MAP6: variants seen among roughly 807,000 people sequenced by gnomAD.
MAP6 encodes microtubule associated protein 6.
MAP6 carries 26 observed loss-of-function variants against 42.4 expected under a neutral mutation model. The ratio of observed to expected loss-of-function variants is 0.61; its 90% CI spans 0.45 to 0.85. MAP6 has a LOEUF of 0.85. Ranked by LOEUF, MAP6 falls within the 40% of genes least tolerant of loss-of-function variation. The probability of loss-of-function intolerance (pLI) is 0.00; values close to 1 mark genes in which losing one functional copy is unlikely to be tolerated. For synonymous variants in MAP6, 418 were observed against 443.8 expected (o/e 0.94, Z 0.73); for missense variants, 966 against 1,099.0 (o/e 0.88, Z 1.71).
At chr11:75,655,943 A>T (rs1014734635) in intron 1 of MAP6, among the ~76,000 whole-genome samples, 1 of 152,252 alleles carries the variant, frequency 6.6e-6, no homozygotes. Context: ...TGTTTACCTT[A>T]AAAGGTCATT....
intron 1 of MAP6, among the ~76,000 whole-genome samples, chr11:75,624,409 A>G (rs761621671): frequency 3.3e-5 from 5 of 151,990 alleles, no homozygotes; most frequent in Non-Finnish European, 7.4e-5. Flanking sequence ...CGGCACTTAC[A>G]TGCACTCACT....
chr11:75,587,025 T>C lies in MAP6; in HGVS notation c.*34A>G, dbSNP rs1215078120. 1 of 1,528,482 alleles carries C rather than the reference T, an allele frequency of 6.5e-7. No individual in the cohort carries two copies. The highest frequency in any genetic ancestry group is 1.3e-5 in the South Asian group (1 of 75,800). The allele number at this position is 1,528,482 out of a possible 1,614,324, so 94.7% of individuals were successfully genotyped here. A position where few individuals can be genotyped will look rare whatever the true frequency, so the allele number is the denominator to read the frequency against. Reference sequence around the variant, plus strand: ...CCCTGGGAGGGGAGCACTCTCACTGTCAGCTCCTTCATTGGTGTGTCAAGG... The same window carrying C: ...CCCTGGGAGGGGAGCACTCTCACTGCCAGCTCCTTCATTGGTGTGTCAAGG... On this transcript the variant is annotated 3_prime_UTR_variant, in exon 4 of 4. Transcript: ENST00000304771.
At chr11:75,641,994 C>T (rs951827036) in intron 1 of MAP6, among the ~76,000 whole-genome samples, 4 of 152,158 alleles carry the variant, frequency 2.6e-5, no homozygotes, top group Non-Finnish European at 5.9e-5. Flanking sequence ...TTATTAAGCA[C>T]AACCATTATA....
At chr11:75,647,878 G>A (rs1231899156) in intron 1 of MAP6, among the ~76,000 whole-genome samples, 1 of 152,146 alleles carries the variant, frequency 6.6e-6, no homozygotes, top group East Asian at 1.9e-4. Flanking sequence ...AACCAAAAGA[G>A]ATCTGTCCTG....
intron 1 of MAP6, chr11:75,642,826 G>T: frequency 8.8e-6 from 4 of 455,810 alleles, no homozygotes; most frequent in South Asian, 3.3e-5. Flanking sequence ...GCAGACCTAG[G>T]CATGGATTCT....
intron 1 of MAP6, among the ~76,000 whole-genome samples, chr11:75,612,094 C>G (rs960992985): frequency 6.6e-6 from 1 of 152,260 alleles, no homozygotes; most frequent in Admixed American, 6.5e-5. Context: ...GGCACCTAAG[C>G]TCCTCCAGCC....
rs1942392722 is a variant in MAP6 at position 75,587,923 on chromosome 11, G to T, written c.1578C>A (p.Val526=). The T allele has an allele frequency of 6.2e-7, 1 of 1,614,036 alleles. No homozygotes were observed. The highest frequency in any genetic ancestry group is 1.1e-5 in the South Asian group (1 of 91,074). Residue 526 remains valine, a synonymous_variant, in exon 4 of 4, where the codon GTC becomes GTA. Transcript: ENST00000304771. ...CTGGGACCGAGGGACCTTGGTCCTTGACTGGTGCTGAGATAACAGGGCTTT... is the reference window on the plus strand; with the variant it reads ...CTGGGACCGAGGGACCTTGGTCCTTTACTGGTGCTGAGATAACAGGGCTTT... ...KNESPVISAP[V]KDQGPSVPVP... is the part of the protein sequence containing the mutation.
intron 1 of MAP6, chr11:75,642,734 C>A: frequency 3.6e-6 from 1 of 276,776 alleles, no homozygotes; most frequent in Non-Finnish European, 7.8e-6. Context: ...CCAGCCACAA[C>A]AGAAAGTATA....
Position 75,667,533 on chromosome 11 carries a change from G to T in MAP6, c.837C>A (p.Arg279=). 6.7e-7 allele frequency: 1 copy of T among 1,494,886 alleles called. No homozygotes were observed. The highest frequency in any genetic ancestry group is 8.8e-7 in the Non-Finnish European group (1 of 1,130,682). The allele number at this position is 1,494,886 out of a possible 1,614,324, so 92.6% of individuals were successfully genotyped here. ...QATGPEAGRG[R]AAADALNRQI... The stretch of plus-strand genomic sequence containing the variant: ...GCCGGTTGAGGGCGTCCGCCGCGGC[G>T]CGCCCCCTGCCAGCCTCGGGGCCGG... The change falls in exon 1 of 4, where the codon CGC becomes CGA. Residue 279 remains arginine, a synonymous_variant. Coordinates refer to ENST00000304771, the MANE Select transcript of MAP6 (RefSeq NM_033063.2). This position sits in a 1 kb window ranked among gnomAD's most constrained non-coding sequence, Gnocchi z 5.6.
intron 1 of MAP6, among the ~76,000 whole-genome samples, chr11:75,661,426 T>A (rs902019654): frequency 8.6e-5 from 13 of 152,044 alleles, no homozygotes; most frequent in African/African-American, 2.7e-4. Context: ...TACTTATGAA[T>A]ATATACGCAA....
chr11:75,662,043 G>A (rs1441294577), intron 1 of MAP6, among the ~76,000 whole-genome samples: 4 of 152,004 alleles, frequency 2.6e-5, no homozygotes, highest in Non-Finnish European at 5.9e-5. Context: ...TTCATGATAG[G>A]AACAATAATT....
chr11:75,634,109 G>T (rs1943330437), intron 1 of MAP6, among the ~76,000 whole-genome samples: 1 of 152,108 alleles, frequency 6.6e-6, no homozygotes, highest in Non-Finnish European at 1.5e-5. Context: ...CCCCAGGCTG[G>T]GCAGAAGAGA....
intron 1 of MAP6, among the ~76,000 whole-genome samples, chr11:75,624,919 C>T (rs564444964): frequency 1.3e-5 from 2 of 152,170 alleles, no homozygotes; most frequent in Non-Finnish European, 2.9e-5. Flanking sequence ...CTGTTCAACA[C>T]GCATTGAGGA....
At chr11:75,588,363 G>C (rs116522410) in intron 3 of MAP6, among the ~76,000 whole-genome samples, 179 bp from the exon 4 acceptor site, 1 of 151,884 alleles carries the variant, frequency 6.6e-6, no homozygotes, top group Non-Finnish European at 1.5e-5. Context: ...GGTGAGGGAG[G>C]GGGGTGAGGT....
At chr11:75,590,462 G>A (rs78587821) in intron 3 of MAP6, among the ~76,000 whole-genome samples, 4,875 of 152,274 alleles carry the variant, frequency 0.032, 90 homozygotes, top group Non-Finnish European at 0.041. Context: ...CATTTCCTTG[G>A]ATATCTACAG....
chr11:75,639,549 G>C (rs1026168622), intron 1 of MAP6, among the ~76,000 whole-genome samples: 4 of 152,140 alleles, frequency 2.6e-5, no homozygotes, highest in African/African-American at 9.7e-5. Context: ...TTTTTGACCA[G>C]GCTGATGCGG....
intron 3 of MAP6, among the ~76,000 whole-genome samples, chr11:75,595,184 C>T (rs1049398260): frequency 3.3e-5 from 5 of 152,318 alleles, no homozygotes; most frequent in African/African-American, 1.2e-4. Context: ...GTGAGGCAGC[C>T]TCCTCCTCAG....
At chr11:75,600,654 A>G (rs1942650390) in intron 3 of MAP6, among the ~76,000 whole-genome samples, 1 of 152,188 alleles carries the variant, frequency 6.6e-6, no homozygotes, top group African/African-American at 2.4e-5. Context: ...TTTAACGCAG[A>G]TGGTTCACAG....
intron 1 of MAP6, among the ~76,000 whole-genome samples, chr11:75,632,859 A>G (rs898699793): frequency 6.6e-6 from 1 of 152,200 alleles, no homozygotes; most frequent in Non-Finnish European, 1.5e-5. Context: ...TAATTTTTAC[A>G]GATGGAAAAA....
Sources: gnomAD v4.1 joint callset for allele counts (sites outside exome capture counted in the v4.1 genomes callset) on GRCh38, gnomAD v4.1.1 for gene constraint, Gnocchi (gnomAD v3.1) non-coding constraint, MANE v1.5 for transcripts, NCBI Gene and HGNC (gene_info 2026-07-23, HGNC 2026-07-21) for gene names.